The following CCSER1 variants were observed in gnomAD, a reference collection of about 807,000 sequenced individuals.
The protein encoded by CCSER1 is serine-rich coiled-coil domain-containing protein 1.
In CCSER1, 41 loss-of-function variants were observed where a neutral mutation model predicts 82.0. The observed-to-expected ratio is 0.50, with a 90% CI of 0.39 to 0.65. The LOEUF (loss-of-function observed/expected upper bound fraction) is 0.65, where lower values mean the gene tolerates loss of function less well. Ranked by LOEUF, CCSER1 falls within the 30% of genes least tolerant of loss-of-function variation. The pLI is 0.00. For missense variants in CCSER1, 1,119 were observed against 1,064.2 expected, an observed-to-expected ratio of 1.05 and a Z score of -0.72; for synonymous variants, 414 against 383.9, an observed-to-expected ratio of 1.08 and a Z score of -0.92.
chr4:90,167,122 T>C (rs1404272395), intron 1 of CCSER1, among the ~76,000 whole-genome samples: 1 of 152,096 alleles, frequency 6.6e-6, no homozygotes, highest in African/African-American at 2.4e-5. Flanking sequence ...ATTTTGGATT[T>C]CCACATTTCT....
chr4:90,456,734 G>T (rs147254764), intron 4 of CCSER1, among the ~76,000 whole-genome samples: 1 of 152,188 alleles, frequency 6.6e-6, no homozygotes, highest in African/African-American at 2.4e-5. Flanking sequence ...AGAGAGGCAT[G>T]GCATTTTTCT....
chr4:91,085,080 G>A (rs986609810), intron 9 of CCSER1, among the ~76,000 whole-genome samples: 1 of 150,852 alleles, frequency 6.6e-6, no homozygotes, highest in Non-Finnish European at 1.5e-5. Context: ...AAACATAATA[G>A]GTCTAGTGCA....
At chr4:90,914,715 G>GAA (rs61366146) in intron 8 of CCSER1, among the ~76,000 whole-genome samples, 13,303 of 128,404 alleles carry the variant, frequency 0.1, 739 homozygotes, top group East Asian at 0.23. Flanking sequence ...GCTTTTTATT[G>GAA]AAAAAAAAAA....
intron 10 of CCSER1, among the ~76,000 whole-genome samples, chr4:91,196,232 G>C (rs1378901343): frequency 6.8e-6 from 1 of 146,452 alleles, no homozygotes; most frequent in East Asian, 2.0e-4. Flanking sequence ...GATCCTCAAA[G>C]ACTGCATTTC....
At chr4:90,624,706 C>T (rs1315766909) in intron 5 of CCSER1, among the ~76,000 whole-genome samples, 1 of 152,144 alleles carries the variant, frequency 6.6e-6, no homozygotes, top group African/African-American at 2.4e-5. Context: ...ATGGGATTTG[C>T]TATTAATCTT....
intron 10 of CCSER1, among the ~76,000 whole-genome samples, chr4:91,563,744 G>T (rs147448021): frequency 2.6e-5 from 4 of 151,790 alleles, no homozygotes; most frequent in African/African-American, 9.6e-5. Flanking sequence ...CAAATCAGAA[G>T]CAAGTAAAAT....
At chr4:90,305,611 T>A (rs1422444519) in intron 1 of CCSER1, among the ~76,000 whole-genome samples, 2 of 152,196 alleles carry the variant, frequency 1.3e-5, no homozygotes, top group Non-Finnish European at 2.9e-5. Flanking sequence ...TGTTTATGTT[T>A]TAGGTTTTCT....
intron 8 of CCSER1, among the ~76,000 whole-genome samples, chr4:90,897,353 A>G (rs1380890084): frequency 4.0e-5 from 6 of 151,794 alleles, no homozygotes; most frequent in Non-Finnish European, 7.4e-5. Flanking sequence ...TGTACCCCTT[A>G]TTTCCAATTC....
chr4:91,501,259 C>T (rs1373693482), intron 10 of CCSER1, among the ~76,000 whole-genome samples: 3 of 151,656 alleles, frequency 2.0e-5, no homozygotes, highest in South Asian at 2.1e-4. Flanking sequence ...TGATCCCATT[C>T]CTTTTTGTTG....
intron 10 of CCSER1, among the ~76,000 whole-genome samples, chr4:91,373,285 T>C (rs1213412718): frequency 6.6e-6 from 1 of 152,204 alleles, no homozygotes; most frequent in Non-Finnish European, 1.5e-5. Flanking sequence ...TGTTGCACTT[T>C]GCAGATATTG....
intron 5 of CCSER1, among the ~76,000 whole-genome samples, chr4:90,533,326 A>G (rs755543377): frequency 2.6e-5 from 4 of 151,782 alleles, no homozygotes; most frequent in African/African-American, 4.8e-5. Context: ...CCATCTCCTG[A>G]CCTAGTAACC....
At chr4:90,316,711 C>T (rs1203540748) in intron 3 of CCSER1, among the ~76,000 whole-genome samples, 1 of 152,060 alleles carries the variant, frequency 6.6e-6, no homozygotes, top group Non-Finnish European at 1.5e-5. Flanking sequence ...TATTAAGATG[C>T]TGAGCATTTC....
At chr4:90,718,306 C>T (rs1742017895) in intron 6 of CCSER1, among the ~76,000 whole-genome samples, 1 of 151,996 alleles carries the variant, frequency 6.6e-6, no homozygotes, top group African/African-American at 2.4e-5. Context: ...TTTTTGTGTA[C>T]TCAGAAGATT....
At chr4:91,081,415 AAAT>A (rs1179788404) in intron 9 of CCSER1, among the ~76,000 whole-genome samples, 5 of 152,056 alleles carry the variant, frequency 3.3e-5, no homozygotes, top group African/African-American at 1.2e-4. Flanking sequence ...ACATATCTCA[AAAT>A]AATAAGAGCT....
intron 10 of CCSER1, among the ~76,000 whole-genome samples, chr4:91,385,924 A>G (rs1751255731): frequency 6.6e-6 from 1 of 152,006 alleles, no homozygotes; most frequent in African/African-American, 2.4e-5. Flanking sequence ...GTTTTTACAT[A>G]CATATAAATA....
At chr4:91,029,950 G>GATTC (rs1740827195) in intron 9 of CCSER1, among the ~76,000 whole-genome samples, 1 of 152,018 alleles carries the variant, frequency 6.6e-6, no homozygotes. Flanking sequence ...TATATTGATT[G>GATTC]ATTCATTGCC....
intron 5 of CCSER1, among the ~76,000 whole-genome samples, chr4:90,566,890 C>T (rs924016589): frequency 6.6e-6 from 1 of 151,996 alleles, no homozygotes; most frequent in Non-Finnish European, 1.5e-5. Flanking sequence ...GCATGAGCCA[C>T]AGCGCCCGGC....
At chr4:90,792,329 A>G (rs1755375320) in intron 7 of CCSER1, among the ~76,000 whole-genome samples, 1 of 152,224 alleles carries the variant, frequency 6.6e-6, no homozygotes, top group Non-Finnish European at 1.5e-5. Context: ...ATCTGCCAGT[A>G]TTAGGAAAGT....
intron 1 of CCSER1, among the ~76,000 whole-genome samples, chr4:90,179,350 T>C (rs901224175): frequency 1.1e-4 from 16 of 152,202 alleles, no homozygotes; most frequent in African/African-American, 3.6e-4. Context: ...CATGTCCTCA[T>C]GTCTCCAACA....
Sources: gnomAD v4.1 joint callset for allele counts (sites outside exome capture counted in the v4.1 genomes callset) on GRCh38, gnomAD v4.1.1 for gene constraint, MANE v1.5 for transcripts, NCBI Gene and HGNC (gene_info 2026-07-23, HGNC 2026-07-21) for gene names.